GRM7: variants seen among roughly 807,000 people sequenced by gnomAD.
GRM7 encodes the protein metabotropic glutamate receptor 7.
Under a neutral mutation model 84.5 loss-of-function variants are expected in GRM7, and 35 were observed. The observed-to-expected ratio is 0.41, with a 90% CI of 0.32 to 0.55. GRM7 has a LOEUF of 0.55. Ranked by LOEUF, GRM7 falls within the 20% of genes least tolerant of loss-of-function variation. The pLI is 0.19. For missense variants in GRM7, 1,003 were observed against 1,194.6 expected (o/e 0.84, Z 2.36); for synonymous variants, 487 against 455.1 (o/e 1.07, Z -0.89).
chr3:7,574,446 C>A (rs1694859932), intron 7 of GRM7, among the ~76,000 whole-genome samples: 2 of 152,222 alleles, frequency 1.3e-5, no homozygotes, highest in Admixed American at 6.5e-5. Flanking sequence ...GCGTGAGCCA[C>A]TGTGCCCAGG....
rs572460500 is a variant in GRM7, at chr3:7,713,135, T to G, written c.2699-27222T>G. Among the ~76,000 whole-genome samples, 223 of 128,494 alleles carry G rather than the reference T, an allele frequency of 1.7e-3. 1 individual carries two copies. Among genetic ancestry groups the G allele is most frequent in the African/African-American group, 3.9e-3 (139 of 35,972 alleles). 84.3% of individuals were successfully genotyped at this position (128,494 alleles called of 152,430 possible). A position where few individuals can be genotyped will look rare whatever the true frequency, so the allele number is the denominator to read the frequency against. On this transcript the variant is annotated intron_variant, in intron 9 of 9. Coordinates refer to ENST00000357716, the MANE Select transcript of GRM7 (RefSeq NM_000844.4). The stretch of plus-strand genomic sequence containing the variant: ...TCGAATTTTGTTTTGTTTTTTTTTT[T>G]TTTTTTTTTTTTTTTTTGAGACAAT...
intron 2 of GRM7, among the ~76,000 whole-genome samples, chr3:7,186,747 C>T (rs544903584): frequency 8.0e-4 from 121 of 152,198 alleles, no homozygotes; most frequent in African/African-American, 2.7e-3. Flanking sequence ...TATAGTCTCC[C>T]TTGTAATATA....
intron 8 of GRM7, among the ~76,000 whole-genome samples, chr3:7,672,865 G>C (rs1053214755): frequency 1.3e-5 from 2 of 152,224 alleles, no homozygotes; most frequent in East Asian, 3.9e-4. Context: ...AAAGTGCTGG[G>C]ATTACAGGTG....
At chr3:7,248,681 G>C (rs1376307593) in intron 2 of GRM7, among the ~76,000 whole-genome samples, 1 of 152,074 alleles carries the variant, frequency 6.6e-6, no homozygotes, top group African/African-American at 2.4e-5. Context: ...GTGGTTTTGA[G>C]TTCTGGATCC....
intron 2 of GRM7, among the ~76,000 whole-genome samples, chr3:7,196,852 C>G (rs1473264721): frequency 6.6e-6 from 1 of 152,142 alleles, no homozygotes; most frequent in Non-Finnish European, 1.5e-5. Flanking sequence ...GGACCTGAGT[C>G]ACTGTGTTCA....
chr3:7,015,749 C>T (rs1695540313), intron 1 of GRM7, among the ~76,000 whole-genome samples: 1 of 152,158 alleles, frequency 6.6e-6, no homozygotes, highest in Non-Finnish European at 1.5e-5. Flanking sequence ...TGTTCTTTGA[C>T]AGGTGAACCA....
intron 2 of GRM7, among the ~76,000 whole-genome samples, chr3:7,263,787 G>C (rs1335558154): frequency 6.6e-6 from 1 of 152,080 alleles, no homozygotes; most frequent in Non-Finnish European, 1.5e-5. Context: ...CCCACCAATA[G>C]TCCCACAGCA....
At chr3:7,703,925 C>T (rs765788952) in intron 9 of GRM7, among the ~76,000 whole-genome samples, 10 of 152,192 alleles carry the variant, frequency 6.6e-5, no homozygotes, top group Non-Finnish European at 1.2e-4. Flanking sequence ...TCCCTTCATA[C>T]TATCTTGTCT....
chr3:7,536,410 T>C (rs142425434), intron 7 of GRM7, among the ~76,000 whole-genome samples: 2 of 152,278 alleles, frequency 1.3e-5, no homozygotes, highest in Non-Finnish European at 2.9e-5. Context: ...ATGACTCCTA[T>C]TTCTCATTAC....
chr3:7,506,640 G>T (rs1205239214), intron 7 of GRM7, among the ~76,000 whole-genome samples: 2 of 152,202 alleles, frequency 1.3e-5, no homozygotes, highest in East Asian at 3.9e-4. Flanking sequence ...AGAACACGGT[G>T]CCTGTACCTC....
rs1373152840 is a variant in GRM7, at chr3:6,861,478, G to A, written c.90G>A (p.Ala30=). The change falls in exon 1 of 10, where the codon GCG becomes GCA. Residue 30 remains alanine, a synonymous_variant. Coordinates refer to ENST00000357716, the MANE Select transcript of GRM7 (RefSeq NM_000844.4). This position sits in a 1 kb window ranked among gnomAD's most constrained non-coding sequence, Gnocchi z 6.4. ...VLEVLLCALA[A]AARGQEMYAP... is the part of the protein sequence containing the mutation. Reference sequence around the variant, plus strand: ...AGGTGCTCCTGTGCGCGCTGGCGGCGGCGGCGCGCGGCCAGGAGATGTACG... The same window carrying A: ...AGGTGCTCCTGTGCGCGCTGGCGGCAGCGGCGCGCGGCCAGGAGATGTACG... 6.3e-7 allele frequency: 1 copy of A among 1,583,486 alleles called. No individual in the cohort carries two copies. The highest frequency in any genetic ancestry group is 8.6e-7 in the Non-Finnish European group (1 of 1,168,332).
chr3:7,100,841 T>C (rs887385181), intron 1 of GRM7, among the ~76,000 whole-genome samples: 1 of 151,902 alleles, frequency 6.6e-6, no homozygotes, highest in Non-Finnish European at 1.5e-5. Flanking sequence ...GTGATAGATT[T>C]GGTTTGCCTA....
chr3:7,330,193 T>G (rs184799742), intron 4 of GRM7, among the ~76,000 whole-genome samples: 71 of 152,320 alleles, frequency 4.7e-4, no homozygotes, highest in Admixed American at 1.4e-3. Flanking sequence ...ATTGAATTCC[T>G]GCTGTTTTTA....
intron 6 of GRM7, among the ~76,000 whole-genome samples, chr3:7,454,194 A>G (rs1192628864): frequency 2.0e-5 from 3 of 151,884 alleles, no homozygotes; most frequent in Non-Finnish European, 4.4e-5. Context: ...CATCAACCAT[A>G]TTTCAAGTTT....
chr3:6,894,525 T>C (rs2124991397), intron 1 of GRM7, among the ~76,000 whole-genome samples: 1 of 152,262 alleles, frequency 6.6e-6, no homozygotes, highest in South Asian at 2.1e-4. Context: ...ATATACATTG[T>C]AATTGTAATA....
chr3:7,669,740 G>T (rs1699846529), intron 8 of GRM7, among the ~76,000 whole-genome samples: 1 of 152,148 alleles, frequency 6.6e-6, no homozygotes, highest in African/African-American at 2.4e-5. Flanking sequence ...AAAGGGAAAT[G>T]GGTCTTGGGA....
intron 9 of GRM7, among the ~76,000 whole-genome samples, chr3:7,731,860 C>T (rs939628456): frequency 6.6e-6 from 1 of 152,136 alleles, no homozygotes; most frequent in African/African-American, 2.4e-5. Flanking sequence ...ATTTAGTCCT[C>T]AGGAAGACAG....
chr3:7,324,924 A>G (rs1700926998), intron 4 of GRM7, among the ~76,000 whole-genome samples: 1 of 152,144 alleles, frequency 6.6e-6, no homozygotes, highest in South Asian at 2.1e-4. Flanking sequence ...AGTTTCTTCC[A>G]GTATATATCA....
At chr3:7,665,761 A>G (rs1699673104) in intron 8 of GRM7, among the ~76,000 whole-genome samples, 1 of 152,102 alleles carries the variant, frequency 6.6e-6, no homozygotes, top group Non-Finnish European at 1.5e-5. Flanking sequence ...TTTGCTCCTG[A>G]TTACTGTGTC....
Sources: allele counts gnomAD v4.1 joint callset (sites outside exome capture counted in the v4.1 genomes callset), GRCh38; gene constraint gnomAD v4.1.1; non-coding constraint Gnocchi (gnomAD v3.1); transcripts MANE v1.5; gene names NCBI Gene and HGNC (gene_info 2026-07-23, HGNC 2026-07-21).